Variants in PTPRM observed in about 807,000 individuals in gnomAD.
PTPRM encodes the protein receptor-type tyrosine-protein phosphatase mu.
PTPRM carries 47 observed loss-of-function variants against 186.7 expected under a neutral mutation model. The observed-to-expected ratio is 0.25, with a 90% confidence interval of 0.20 to 0.32. The LOEUF (loss-of-function observed/expected upper bound fraction) is 0.32. Among genes scored for constraint, PTPRM ranks in the 10% least tolerant of loss-of-function variants. The pLI is 1.00. For synonymous variants in PTPRM, 668 were observed against 674.9 expected (o/e 0.99, Z 0.16); for missense variants, 1,494 against 1,865.0 (o/e 0.80, Z 3.66).
intron 1 of PTPRM, among the ~76,000 whole-genome samples, chr18:7,570,965 A>G (rs2036551896): frequency 6.9e-6 from 1 of 145,482 alleles, no homozygotes. Flanking sequence ...TTGGAGATAG[A>G]GTCTTGCTCT....
chr18:8,044,599 A>C (rs1220894075), intron 7 of PTPRM, among the ~76,000 whole-genome samples: 1 of 151,956 alleles, frequency 6.6e-6, no homozygotes, highest in East Asian at 1.9e-4. Flanking sequence ...TCTACTAAAA[A>C]TACAAAAGTT....
At chr18:8,331,141 G>A (rs907098193) in intron 22 of PTPRM, among the ~76,000 whole-genome samples, 30 of 152,110 alleles carry the variant, frequency 2.0e-4, no homozygotes, top group Non-Finnish European at 3.8e-4. Context: ...ACTGCAACCT[G>A]AAATAGTTTA....
intron 9 of PTPRM, among the ~76,000 whole-genome samples, chr18:8,082,111 C>T (rs955732221): frequency 4.6e-5 from 7 of 152,046 alleles, no homozygotes; most frequent in Non-Finnish European, 8.8e-5. Flanking sequence ...CACACACCCG[C>T]TCTCCCCAGG....
chr18:8,068,849 C>A (rs2089268698), intron 7 of PTPRM, among the ~76,000 whole-genome samples: 1 of 152,122 alleles, frequency 6.6e-6, no homozygotes, highest in Non-Finnish European at 1.5e-5. Flanking sequence ...CCTGTAGTCC[C>A]AGCACTTTGG....
At chr18:8,207,866 G>A (rs2093951533) in intron 14 of PTPRM, among the ~76,000 whole-genome samples, 1 of 152,204 alleles carries the variant, frequency 6.6e-6, no homozygotes, top group Non-Finnish European at 1.5e-5. Flanking sequence ...GACCAGCAAT[G>A]AGGTTGCTGA....
rs1169892316 is a variant in PTPRM, at chr18:7,972,239, C to T, written c.1132+16825C>T. On this transcript the variant is annotated intron_variant, in intron 7 of 32. Coordinates refer to ENST00000580170, the MANE Select transcript of PTPRM (RefSeq NM_001105244.2). ...AAAAACCAAACACCGCATATTCTCACGCATAGGTGGGAATTGAACAATGAG... is the reference window on the plus strand; with the variant it reads ...AAAAACCAAACACCGCATATTCTCATGCATAGGTGGGAATTGAACAATGAG... Among the ~76,000 whole-genome samples, 8 of 133,108 alleles carry T rather than the reference C, an allele frequency of 6.0e-5. No homozygotes were observed. The South Asian group carries it at 1.9e-3, about 31-fold the overall frequency. The allele number at this position is 133,108 out of a possible 152,430, so 87.3% of individuals were successfully genotyped here. A position where few individuals can be genotyped will look rare whatever the true frequency, so the allele number is the denominator to read the frequency against.
intron 14 of PTPRM, among the ~76,000 whole-genome samples, chr18:8,242,585 A>G (rs2094442414): frequency 6.6e-6 from 1 of 152,190 alleles, no homozygotes; most frequent in African/African-American, 2.4e-5. Context: ...TGTAGCTTTA[A>G]CACTGTCAGA....
At chr18:8,097,862 A>G (rs2145479675) in intron 11 of PTPRM, among the ~76,000 whole-genome samples, 1 of 152,362 alleles carries the variant, frequency 6.6e-6, no homozygotes, top group Admixed American at 6.5e-5. Flanking sequence ...ACTCAGGAGC[A>G]TTAATTAGAT....
intron 14 of PTPRM, among the ~76,000 whole-genome samples, chr18:8,146,885 A>G (rs1215773238): frequency 1.3e-5 from 2 of 152,054 alleles, no homozygotes; most frequent in African/African-American, 4.8e-5. Flanking sequence ...AGCTATTTCC[A>G]ACACCATTTA....
chr18:8,139,497 G>A (rs1334482640), intron 13 of PTPRM, among the ~76,000 whole-genome samples: 1 of 152,124 alleles, frequency 6.6e-6, no homozygotes, highest in African/African-American at 2.4e-5. Flanking sequence ...TTGAATATAA[G>A]CCAGATCAAG....
chr18:8,264,815 GCA>G (rs1405750820), intron 19 of PTPRM, among the ~76,000 whole-genome samples: 1 of 148,490 alleles, frequency 6.7e-6, no homozygotes, highest in African/African-American at 2.5e-5. Flanking sequence ...TACACACACA[GCA>G]CACACAGAGA....
At chr18:8,201,909 C>G (rs2093863705) in intron 14 of PTPRM, among the ~76,000 whole-genome samples, 2 of 152,218 alleles carry the variant, frequency 1.3e-5, no homozygotes, top group African/African-American at 4.8e-5. Context: ...CACCTTCAAG[C>G]ACATGATACC....
At chr18:7,778,493 G>A (rs964226371) in intron 2 of PTPRM, among the ~76,000 whole-genome samples, 3 of 151,666 alleles carry the variant, frequency 2.0e-5, no homozygotes, top group South Asian at 2.1e-4. Flanking sequence ...GCAGAGTTTC[G>A]CTCTTTCACC....
intron 7 of PTPRM, among the ~76,000 whole-genome samples, chr18:8,054,382 T>G (rs1193185505): frequency 3.3e-5 from 5 of 149,310 alleles, no homozygotes; most frequent in Admixed American, 3.3e-4. Context: ...TGGTTTTTCC[T>G]GTTTTTCTAC....
At chr18:7,752,996 A>C (rs932773516) in intron 1 of PTPRM, among the ~76,000 whole-genome samples, 11 of 151,562 alleles carry the variant, frequency 7.3e-5, no homozygotes, top group African/African-American at 2.7e-4. Context: ...ATTTGGGGGG[A>C]GGGGCAGATT....
At chr18:8,378,533 C>A in intron 27 of PTPRM, 119 bp downstream of exon 27, 1 of 1,249,642 alleles carries the variant, frequency 8.0e-7, no homozygotes, top group Non-Finnish European at 1.1e-6. Flanking sequence ...TAGCACTGTT[C>A]GTATTCAGGG....
intron 10 of PTPRM, 124 bp from the exon 11 acceptor site, chr18:8,088,625 T>C (rs1218432613): frequency 2.1e-5 from 16 of 749,068 alleles, no homozygotes; most frequent in South Asian, 1.7e-5. Flanking sequence ...CTCGTGGTTG[T>C]TGATAGCTGC....
At chr18:8,171,810 A>G (rs987534960) in intron 14 of PTPRM, among the ~76,000 whole-genome samples, 1 of 152,050 alleles carries the variant, frequency 6.6e-6, no homozygotes, top group Non-Finnish European at 1.5e-5. Context: ...TATTGCACCT[A>G]CCCTACCCAA....
At chr18:8,209,950 G>A (rs71360838) in intron 14 of PTPRM, among the ~76,000 whole-genome samples, 38,925 of 135,380 alleles carry the variant, frequency 0.29, 5,438 homozygotes, top group Middle Eastern at 0.56. Context: ...TAACAAACCT[G>A]CACTTTCTGC....
Sources: allele counts gnomAD v4.1 joint callset (sites outside exome capture counted in the v4.1 genomes callset), GRCh38; gene constraint gnomAD v4.1.1; transcripts MANE v1.5; gene names NCBI Gene and HGNC (gene_info 2026-07-23, HGNC 2026-07-21).